Variants in NREP observed in about 807,000 individuals in gnomAD.
NREP encodes neuronal regeneration related protein, also known as neuronal regeneration-related protein.
A neutral mutation model predicts 8.6 loss-of-function variants in NREP; 5 were observed. The observed-to-expected ratio is 0.58, with a 90% confidence interval of 0.30 to 1.22. The LOEUF is 1.22. Among genes scored for constraint, NREP ranks in the 50% most tolerant of loss-of-function variants. The probability of loss-of-function intolerance (pLI) is 0.07; values close to 1 mark genes in which losing one functional copy is unlikely to be tolerated. For missense variants in NREP, 86 were observed against 82.5 expected, an observed-to-expected ratio of 1.04 and a Z score of -0.17; for synonymous variants, 27 against 28.0, an observed-to-expected ratio of 0.96 and a Z score of 0.11.
rs143306583 is a variant in NREP at position 111,737,725 on chromosome 5, A to C, written c.4-2218T>G. 6.1e-3 allele frequency among the ~76,000 whole-genome samples: 898 copies of C among 147,582 alleles called. 8 individuals carry two copies. Among genetic ancestry groups the C allele is most frequent in the African/African-American group, 0.023 (866 of 38,454 alleles). On this transcript the variant is annotated intron_variant, in intron 2 of 3. Transcript: ENST00000257435. ...GAACTCTCCATTTGCTAAAAAAAAA[A>C]AAAACAAAAACAAAAACAAAAAAAA... is the stretch of plus-strand genomic sequence containing the variant.
chr5:111,767,306 AT>A (rs1473786932), intron 2 of NREP, among the ~76,000 whole-genome samples: 1 of 152,140 alleles, frequency 6.6e-6, no homozygotes, highest in Non-Finnish European at 1.5e-5. Context: ...CAAAAAAAAA[AT>A]CTTATTAGTT....
intron 2 of NREP, among the ~76,000 whole-genome samples, chr5:111,952,561 C>T (rs1581246602): frequency 6.6e-6 from 1 of 152,068 alleles, no homozygotes. Context: ...GAGGCAAGGA[C>T]GTAGCTGGAG....
upstream of NREP, among the ~76,000 whole-genome samples, chr5:111,759,463 G>A (rs1038068716): frequency 7.0e-6 from 1 of 143,430 alleles, no homozygotes; most frequent in South Asian, 2.2e-4. Flanking sequence ...ATGTTACCAT[G>A]TTGCCCGGTC....
chr5:111,969,872 G>A (rs906553279), intron 2 of NREP, among the ~76,000 whole-genome samples: 4 of 152,174 alleles, frequency 2.6e-5, no homozygotes, highest in Non-Finnish European at 5.9e-5. Context: ...CTGGTGGATT[G>A]AGAAGGGTGG....
In NREP at chr5:111,939,983, G is replaced by A. The variant is rs899593911; in HGVS notation, c.135+35291C>T. On this transcript the variant is annotated intron_variant, in intron 2 of 3. Coordinates refer to the NREP transcript ENST00000395634. ...ATAGGAATCTGACTCTTTATTTCCT[G>A]TGGGAGTAATCATTCAATGTTCAAT... 4.6e-5 allele frequency: 7 copies of A among 152,064 alleles called. No individual in the cohort carries two copies. The South Asian group carries it at 1.2e-3, about 27-fold the overall frequency. 9.4% of individuals were successfully genotyped at this position (152,064 alleles called of 1,614,324 possible). A position where few individuals can be genotyped will look rare whatever the true frequency, so the allele number is the denominator to read the frequency against.
chr5:111,826,972 AAAT>A (rs1752643419), intron 2 of NREP, among the ~76,000 whole-genome samples: 1 of 152,256 alleles, frequency 6.6e-6, no homozygotes, highest in African/African-American at 2.4e-5. Context: ...GCCTTATTAC[AAAT>A]AATATTTTCT....
At chr5:111,819,180 C>T (rs1456743349) in intron 2 of NREP, among the ~76,000 whole-genome samples, 1 of 152,168 alleles carries the variant, frequency 6.6e-6, no homozygotes, top group Non-Finnish European at 1.5e-5. Context: ...TGGTCACCTG[C>T]TTTGACCTGA....
intron 2 of NREP, among the ~76,000 whole-genome samples, chr5:111,802,516 G>T (rs4957979): frequency 0.5 from 75,902 of 151,934 alleles, 20,321 homozygotes; most frequent in African/African-American, 0.68. Context: ...GTGTACATAC[G>T]GCAGAGCTCC....
chr5:111,870,539 G>C (rs975911480), intron 2 of NREP, among the ~76,000 whole-genome samples: 2 of 152,130 alleles, frequency 1.3e-5, no homozygotes, highest in African/African-American at 4.8e-5. Flanking sequence ...AAAATTAAAA[G>C]GTCTTCGGTA....
chr5:111,881,856 A>G (rs1422067188), intron 2 of NREP, among the ~76,000 whole-genome samples: 3 of 151,154 alleles, frequency 2.0e-5, no homozygotes, highest in African/African-American at 4.9e-5. Context: ...AAGACCAAAA[A>G]TAGATAAAAC....
At chr5:111,812,885 G>A (rs1581135655) in intron 2 of NREP, among the ~76,000 whole-genome samples, 1 of 152,092 alleles carries the variant, frequency 6.6e-6, no homozygotes, top group Non-Finnish European at 1.5e-5. Context: ...AGTTGTGTAT[G>A]ATTTATTCTT....
chr5:111,945,700 G>C (rs1212058894), intron 2 of NREP, among the ~76,000 whole-genome samples: 2 of 151,788 alleles, frequency 1.3e-5, no homozygotes, highest in African/African-American at 4.8e-5. Context: ...TCTGGCTTTA[G>C]GATAGTTGGA....
At chr5:111,867,564 T>C (rs925977531) in intron 2 of NREP, among the ~76,000 whole-genome samples, 1 of 152,160 alleles carries the variant, frequency 6.6e-6, no homozygotes. Flanking sequence ...TGTTTCAATA[T>C]ATGAATTGGG....
intron 2 of NREP, among the ~76,000 whole-genome samples, chr5:111,772,208 C>T (rs1237340102): frequency 3.9e-5 from 6 of 152,084 alleles, no homozygotes; most frequent in African/African-American, 1.4e-4. Flanking sequence ...TTTAGTTGCC[C>T]TCATGCTGTG....
chr5:111,745,389 A>G (rs1749937872), intron 2 of NREP, among the ~76,000 whole-genome samples: 2 of 152,298 alleles, frequency 1.3e-5, no homozygotes, highest in South Asian at 4.1e-4. Context: ...AATTAAACCC[A>G]AGCAATACTA....
At chr5:111,872,090 C>A (rs1437834651) in intron 2 of NREP, among the ~76,000 whole-genome samples, 3 of 151,234 alleles carry the variant, frequency 2.0e-5, no homozygotes, top group African/African-American at 2.4e-5. Context: ...ATATTTGAGA[C>A]AGAGAGAGAT....
chr5:111,867,217 C>G (rs546163598), intron 2 of NREP, among the ~76,000 whole-genome samples: 1 of 151,778 alleles, frequency 6.6e-6, no homozygotes, highest in African/African-American at 2.4e-5. Context: ...AACAAAATAC[C>G]ATAGACTGAG....
At chr5:111,897,605 T>C (rs1754541758) in intron 2 of NREP, among the ~76,000 whole-genome samples, 1 of 152,122 alleles carries the variant, frequency 6.6e-6, no homozygotes, top group Non-Finnish European at 1.5e-5. Context: ...TTCTTTGATG[T>C]CATCCTAACT....
chr5:111,851,600 G>T (rs1753311608), intron 2 of NREP, among the ~76,000 whole-genome samples: 2 of 152,150 alleles, frequency 1.3e-5, no homozygotes, highest in Non-Finnish European at 2.9e-5. Flanking sequence ...TAACGTGAAA[G>T]TGCAGAGAGT....
Sources: allele counts gnomAD v4.1 joint callset (sites outside exome capture counted in the v4.1 genomes callset), GRCh38; gene constraint gnomAD v4.1.1; transcripts MANE v1.5; gene names NCBI Gene and HGNC (gene_info 2026-07-23, HGNC 2026-07-21).